Variants in AGO3 observed in about 807,000 individuals in gnomAD.
The protein encoded by AGO3 is argonaute RISC catalytic component 3, also known as protein argonaute-3.
A neutral mutation model predicts 105.5 loss-of-function variants in AGO3; 16 were observed. The observed-to-expected ratio is 0.15, with a 90% CI of 0.10 to 0.23. AGO3 has a LOEUF of 0.23. Among genes scored for constraint, AGO3 ranks in the 10% least tolerant of loss-of-function variants. The pLI is 1.00. For synonymous variants in AGO3, 340 were observed against 367.3 expected, an observed-to-expected ratio of 0.93 and a Z score of 0.85; for missense variants, 534 against 1,088.0, an observed-to-expected ratio of 0.49 and a Z score of 7.16.
chr1:35,960,592 G>A (rs1308874943), intron 2 of AGO3, among the ~76,000 whole-genome samples: 4 of 152,026 alleles, frequency 2.6e-5, no homozygotes, highest in Non-Finnish European at 4.4e-5. Flanking sequence ...AGGATTGCTT[G>A]AACCCAGGAG....
chr1:36,049,966 G>A (rs1487138476), intron 17 of AGO3, among the ~76,000 whole-genome samples: 1 of 152,194 alleles, frequency 6.6e-6, no homozygotes, highest in Non-Finnish European at 1.5e-5. Context: ...AATAATAGTA[G>A]TTGAGAACTT....
intron 2 of AGO3, among the ~76,000 whole-genome samples, chr1:35,958,250 G>A (rs1035984364): frequency 5.3e-5 from 8 of 151,740 alleles, no homozygotes; most frequent in African/African-American, 1.9e-4. Flanking sequence ...GCATGGTGGT[G>A]CGCGTTTGTA....
chr1:36,015,471 G>T (rs932320285), intron 11 of AGO3, among the ~76,000 whole-genome samples: 1 of 152,136 alleles, frequency 6.6e-6, no homozygotes, highest in Non-Finnish European at 1.5e-5. Flanking sequence ...GGCCCCTTTC[G>T]CCTCCTTGGA....
At position 36,068,147 on chromosome 1, in the gene AGO3, AAG is replaced by A. The variant is rs1194349021; in HGVS notation, c.*12405_*12406del. On this transcript the variant is annotated 3_prime_UTR_variant, in exon 19 of 19. Coordinates refer to ENST00000373191, the MANE Select transcript of AGO3 (RefSeq NM_024852.4). ...CAAACACACACACTGTTAAAAATAA[AAG>A]AGGGGAAGGATAAAACAAAAATAGA... 5.9e-5 allele frequency: 9 copies of A among 152,326 alleles called. No homozygotes were observed. Among genetic ancestry groups the A allele is most frequent in the Admixed American group, 2.0e-4 (3 of 15,288 alleles). The allele number at this position is 152,326 out of a possible 1,614,324, so 9.4% of individuals were successfully genotyped here.
In AGO3 at chr1:36,008,658, T is replaced by A; in HGVS notation, c.794-32T>A. 6.2e-7 allele frequency: 1 copy of A among 1,600,978 alleles called. No homozygotes were observed. Among genetic ancestry groups the A allele is most frequent in the Non-Finnish European group, 8.6e-7 (1 of 1,168,396 alleles). On this transcript the variant is annotated intron_variant, in intron 6 of 18. Transcript: ENST00000373191. The surrounding 1 kb of genome is among the most constrained non-coding windows in gnomAD (Gnocchi z 5.1). The stretch of plus-strand genomic sequence containing the variant: ...GTATAAATATTTTACATGTGACAGT[T>A]CTGTAACCTCCATTTTTCTTGTTGG...
intron 2 of AGO3, 74 bp from the exon 3 acceptor site, chr1:35,966,881 G>A: frequency 6.7e-7 from 1 of 1,486,694 alleles, no homozygotes; most frequent in South Asian, 1.4e-5. Context: ...TACAGTGGCA[G>A]AAATTACTTC....
intron 2 of AGO3, among the ~76,000 whole-genome samples, chr1:35,965,103 G>A (rs1486079194): frequency 6.6e-6 from 1 of 151,452 alleles, no homozygotes; most frequent in Non-Finnish European, 1.5e-5. Context: ...AATTCGTAAG[G>A]TTGAAATTAT....
intron 3 of AGO3, among the ~76,000 whole-genome samples, chr1:35,969,990 G>A (rs906940149): frequency 2.0e-5 from 3 of 152,190 alleles, no homozygotes; most frequent in African/African-American, 7.2e-5. Context: ...GGGGTCCATT[G>A]TGGACCAAAA....
chr1:36,030,068 A>T (rs1641700402), intron 12 of AGO3, among the ~76,000 whole-genome samples: 1 of 152,216 alleles, frequency 6.6e-6, no homozygotes, highest in Non-Finnish European at 1.5e-5. Context: ...TTTGTAGCAA[A>T]TAGAAACAAT....
chr1:35,964,889 A>T (rs1197807160), intron 2 of AGO3, among the ~76,000 whole-genome samples: 1 of 151,454 alleles, frequency 6.6e-6, no homozygotes, highest in Non-Finnish European at 1.5e-5. Flanking sequence ...AATATTGAGC[A>T]TTTTTTCATA....
Position 36,034,185 on chromosome 1 carries a change from C to A in AGO3, c.1603C>A (p.Arg535Ser). 6.5e-7 allele frequency: 1 copy of A among 1,533,920 alleles called. No homozygotes were observed. Among genetic ancestry groups the A allele is most frequent in the South Asian group, 1.3e-5 (1 of 77,904 alleles). ...CATCTATTCCATAGCGGAAGTGAAA[C>A]GTGTAGGAGACACACTTTTGGGTAT... ...GKTPVYAEVK[R>S]VGDTLLGMAT... Residue 535 changes from arginine to serine, a missense_variant, in exon 13 of 19, where the codon CGT becomes AGT. By Grantham distance (110) the Arg-to-Ser change is moderately radical. This residue lies in a region of AGO3 where 373 missense variants were observed against 854.0 expected (regional missense o/e 0.44). Transcript: ENST00000373191.
chr1:35,954,312 A>G (rs1646525893), intron 2 of AGO3, among the ~76,000 whole-genome samples: 1 of 138,750 alleles, frequency 7.2e-6, no homozygotes, highest in Admixed American at 6.8e-5. Flanking sequence ...ATATTCCTAT[A>G]ATATATTTGA....
chr1:35,954,451 G>A (rs1571426162), intron 2 of AGO3, among the ~76,000 whole-genome samples: 1 of 152,128 alleles, frequency 6.6e-6, no homozygotes, highest in Admixed American at 6.6e-5. Flanking sequence ...TTATATGAAT[G>A]TACCTTGATT....
At chr1:35,949,222 C>T (rs1015352552) in intron 2 of AGO3, among the ~76,000 whole-genome samples, 1 of 152,214 alleles carries the variant, frequency 6.6e-6, no homozygotes, top group Non-Finnish European at 1.5e-5. Flanking sequence ...GGATTACAGG[C>T]GTGAGCTACC....
At chr1:35,948,990 C>CA (rs1646419922) in intron 2 of AGO3, among the ~76,000 whole-genome samples, 1 of 151,974 alleles carries the variant, frequency 6.6e-6, no homozygotes, top group Non-Finnish European at 1.5e-5. Flanking sequence ...GTTGCCCAGG[C>CA]TGGTATGCAA....
At chr1:36,018,416 C>T (rs1242580581) in intron 11 of AGO3, among the ~76,000 whole-genome samples, 1 of 151,966 alleles carries the variant, frequency 6.6e-6, no homozygotes, top group Non-Finnish European at 1.5e-5. Context: ...GCGTAAACTT[C>T]TCTGTGTGTG....
In AGO3 at chr1:36,037,248, G is replaced by A. The variant is rs568938592; in HGVS notation, c.1842+981G>A. On this transcript the variant is annotated intron_variant, in intron 14 of 18. Coordinates refer to ENST00000373191, the MANE Select transcript of AGO3 (RefSeq NM_024852.4). ...CTGTAAGATTTAATTGGCCAGGCGC[G>A]GTGGCTCACGCCTAGAATCCCAGCA... 1.2e-4 allele frequency among the ~76,000 whole-genome samples: 19 copies of A among 152,268 alleles called. No individual in the cohort carries two copies. The East Asian group carries it at 3.5e-3, about 28-fold the overall frequency.
chr1:35,992,350 G>A (rs558212149), intron 5 of AGO3: 1 of 152,302 alleles, frequency 6.6e-6, no homozygotes, highest in African/African-American at 2.4e-5. Flanking sequence ...ATCAATGTGA[G>A]CTAGACAGAG....
intron 2 of AGO3, among the ~76,000 whole-genome samples, chr1:35,953,019 T>C (rs185764959): frequency 2.6e-5 from 4 of 152,368 alleles, no homozygotes; most frequent in Middle Eastern, 3.4e-3. Flanking sequence ...TAAACATTCA[T>C]GTACAGGATT....
Sources: gnomAD v4.1 joint callset for allele counts (sites outside exome capture counted in the v4.1 genomes callset) on GRCh38, gnomAD v4.1.1 for gene constraint, gnomAD v4.1.1 regional missense constraint, Gnocchi (gnomAD v3.1) non-coding constraint, MANE v1.5 for transcripts, NCBI Gene and HGNC (gene_info 2026-07-23, HGNC 2026-07-21) for gene names.